The following ZIC4 variants were observed in gnomAD, a reference collection of about 807,000 sequenced individuals.
ZIC4 encodes the protein Zic family zinc finger 4, also known as zinc finger protein ZIC 4.
ZIC4 carries 15 observed loss-of-function variants against 28.8 expected under a neutral mutation model. That is an observed-to-expected ratio of 0.52 (90% CI 0.35 to 0.80). The LOEUF (loss-of-function observed/expected upper bound fraction) is 0.80, where lower values mean the gene tolerates loss of function less well. ZIC4 is among the 30% of genes least tolerant of loss of function. ZIC4 has a pLI of 0.01. For synonymous variants in ZIC4, 220 were observed against 198.1 expected (o/e 1.11, Z -0.93); for missense variants, 512 against 467.1 (o/e 1.10, Z -0.89).
rs760162398 is a variant in ZIC4, at chr3:147,390,948, G to A, written c.987C>T (p.Thr329=). 3 of 1,610,568 alleles carry A rather than the reference G, an allele frequency of 1.9e-6. No homozygotes were observed. The highest frequency in any genetic ancestry group is 2.2e-5 in the East Asian group (1 of 44,810). ...VASSAAVAAR[T]ADLSE is the part of the protein sequence containing the mutation. The stretch of plus-strand genomic sequence containing the variant: ...ACACGTACCATTCGCTCAAGTCGGC[G>A]GTACGCGCCGCCACCGCCGCCGAGG... Residue 329 remains threonine (T), a synonymous_variant, in exon 4 of 5, where the codon ACC becomes ACT. Coordinates refer to ENST00000383075, the MANE Select transcript of ZIC4 (RefSeq NM_032153.6).
intron 2 of ZIC4, 25 bp downstream of exon 2, chr3:147,402,703 T>A: frequency 6.4e-7 from 1 of 1,560,402 alleles, no homozygotes; most frequent in Non-Finnish European, 8.7e-7. Flanking sequence ...AGCAAACCAA[T>A]ATTCAAAGGA....
rs760348958 is a variant in ZIC4 at position 147,387,464 on chromosome 3, G to T, written c.*1395C>A. On this transcript the variant is annotated 3_prime_UTR_variant, in exon 5 of 5. Coordinates refer to ENST00000383075, the MANE Select transcript of ZIC4 (RefSeq NM_032153.6). ...TAACTCCCACTTCAAAGATTTCTCA[G>T]CTCAATAGAAAGCGGACCATCCTTT... The T allele has an allele frequency of 6.6e-6, 1 of 152,578 alleles. No individual in the cohort carries two copies. Among genetic ancestry groups the T allele is most frequent in the South Asian group, 2.1e-4 (1 of 4,830 alleles). 9.5% of individuals were successfully genotyped at this position (152,578 alleles called of 1,614,324 possible).
chr3:147,391,114 C>T lies in ZIC4; in HGVS notation c.821G>A (p.Cys274Tyr). The T allele has an allele frequency of 6.2e-7, 1 of 1,614,184 alleles. No homozygotes were observed. Among genetic ancestry groups the T allele is most frequent in the Non-Finnish European group, 8.5e-7 (1 of 1,180,024 alleles). ...ACGCAGCGAGCTGGGGTGCGTGTAG[C>T]ACTTGTCGCAGCCCCGCACCTTGCA... is the stretch of plus-strand genomic sequence containing the variant. ...YTCKVRGCDK[C>Y]YTHPSSLRKH... The change falls in exon 4 of 5, where the codon TGC becomes TAC. Residue 274 changes from cysteine to tyrosine, a missense_variant. Physicochemically the swap from Cys to Tyr is radical, Grantham distance 194 (BLOSUM62 -2). This residue lies in a region of ZIC4 where 144 missense variants were observed against 116.8 expected (regional missense o/e 1.23). Transcript: ENST00000383075.
chr3:147,391,042 T>TGTAGCCC lies in ZIC4; in HGVS notation c.892_893insGGGCTAC (p.Tyr298TrpfsTer49), dbSNP rs765482543. 3.2e-5 allele frequency: 51 copies of TGTAGCCC among 1,613,942 alleles called. No individual in the cohort carries two copies. Among genetic ancestry groups the TGTAGCCC allele is most frequent in the Middle Eastern group, 3.3e-4 (2 of 6,062 alleles). ...GAGGGCAGACGGTGTAGCCGAATCG[T>TGTAGCCC]AGCCAGAGCTGGGCGGCGGCGAGCG... On this transcript the variant is annotated frameshift_variant, in exon 4 of 5. Transcript: ENST00000383075. LOFTEE classifies it high-confidence loss of function.
chr3:147,389,776 T>C (rs2086872006), intron 4 of ZIC4, among the ~76,000 whole-genome samples: 3 of 152,148 alleles, frequency 2.0e-5, no homozygotes, highest in Non-Finnish European at 4.4e-5. Flanking sequence ...CTCTAGTTCC[T>C]CCTACACCTT....
At chr3:147,394,196 A>T (rs752015359) in intron 3 of ZIC4, among the ~76,000 whole-genome samples, 8 of 149,938 alleles carry the variant, frequency 5.3e-5, no homozygotes, top group Non-Finnish European at 7.4e-5. Flanking sequence ...GAAATGCCCG[A>T]GCAGGCCAGA....
At chr3:147,388,946 G>C (rs1344176626) in intron 4 of ZIC4, 87 bp from the exon 5 acceptor site, 2 of 751,702 alleles carry the variant, frequency 2.7e-6, no homozygotes, top group Admixed American at 3.8e-5. Context: ...GAGATAGAAA[G>C]CAAAATGGGG....
In ZIC4 at chr3:147,390,985, G is replaced by A. The variant is rs965441524; in HGVS notation, c.950C>T (p.Ser317Phe). The A allele has an allele frequency of 1.2e-6, 2 of 1,613,138 alleles. No homozygotes were observed. Among genetic ancestry groups the A allele is most frequent in the Admixed American group, 1.7e-5 (1 of 59,992 alleles). Residue 317 changes from serine to phenylalanine, a missense_variant, in exon 4 of 5, where the codon TCC becomes TTC. Ser to Phe is a radical substitution (Grantham distance 155, BLOSUM62 -2). Around this residue, in one of 3 missense-constraint regions of ZIC4, gnomAD observed 144 missense variants for 116.8 expected, o/e 1.23. Transcript: ENST00000383075. ...CACCGCCGCCGAGGAGGCCACCTGGGACTTGTGGCCGCAGTCCGACGAGGG... is the reference window on the plus strand; with the variant it reads ...CACCGCCGCCGAGGAGGCCACCTGGAACTTGTGGCCGCAGTCCGACGAGGG... ...VSPSSDCGHKSQVASSAAVAA... is the reference protein window; with the variant it reads ...VSPSSDCGHKFQVASSAAVAA...
intron 3 of ZIC4, chr3:147,393,820 G>C: frequency 2.2e-6 from 1 of 453,444 alleles, no homozygotes; most frequent in Non-Finnish European, 4.4e-6. Context: ...TGGCCAGGCC[G>C]AGCGCGGTTG....
At chr3:147,393,953 A>C (rs983104767) in intron 3 of ZIC4, 3 of 456,570 alleles carry the variant, frequency 6.6e-6, no homozygotes, top group Middle Eastern at 3.2e-4. Context: ...GTCAGGGAGA[A>C]TCTCAGCTCC....
chr3:147,404,140 C>T (rs2087225421), intron 1 of ZIC4: 2 of 1,532,020 alleles, frequency 1.3e-6, no homozygotes, highest in South Asian at 2.4e-5. Flanking sequence ...GGCAGGATGT[C>T]TGGCATGGAA....
intron 3 of ZIC4, chr3:147,393,493 C>G (rs2086971358): frequency 5.8e-6 from 1 of 171,832 alleles, no homozygotes; most frequent in Admixed American, 6.1e-5. Flanking sequence ...CCCTGCAGCC[C>G]GCTCGGAGCG....
intron 1 of ZIC4, among the ~76,000 whole-genome samples, chr3:147,403,153 C>T (rs976894898): frequency 5.3e-5 from 8 of 151,718 alleles, no homozygotes; most frequent in East Asian, 1.9e-4. Flanking sequence ...GAATTAATTG[C>T]GTAAGAAACC....
chr3:147,399,726 C>T (rs1383767442), intron 2 of ZIC4, among the ~76,000 whole-genome samples: 1 of 146,098 alleles, frequency 6.8e-6, no homozygotes, highest in East Asian at 2.0e-4. Context: ...AGTGCAATGG[C>T]GCCATCTTGG....
chr3:147,393,571 G>T (rs560827243), intron 3 of ZIC4: 3 of 268,278 alleles, frequency 1.1e-5, no homozygotes, highest in Middle Eastern at 1.4e-3. Context: ...GTCCTGAAAG[G>T]CCTCCTCTCC....
rs1177693346 is a variant in ZIC4, at chr3:147,402,805, C to T, written c.-8G>A. ...GGATGTCTTGTATCTCATTTTCTGA[C>T]TTTGAGCCTGTTTGGGAAGAAAAGA... is the stretch of plus-strand genomic sequence containing the variant. On this transcript the variant is annotated 5_prime_UTR_variant, in exon 2 of 5. Coordinates refer to ENST00000383075, the MANE Select transcript of ZIC4 (RefSeq NM_032153.6). The T allele has an allele frequency of 5.0e-6, 8 of 1,613,488 alleles. No homozygotes were observed. Among genetic ancestry groups the T allele is most frequent in the Non-Finnish European group, 6.8e-6 (8 of 1,179,812 alleles).
rs2087037326 is a variant in ZIC4 at position 147,396,143 on chromosome 3, G to T, written c.397C>A (p.Leu133Met). 6.2e-7 allele frequency: 1 copy of T among 1,614,028 alleles called. No homozygotes were observed. The highest frequency in any genetic ancestry group is 1.3e-5 in the African/African-American group (1 of 74,954). Residue 133 changes from leucine to methionine, a missense_variant, in exon 3 of 5, where the codon CTG becomes ATG. Around this residue, in one of 3 missense-constraint regions of ZIC4, gnomAD observed 310 missense variants for 256.5 expected, o/e 1.21. Coordinates refer to ENST00000383075, the MANE Select transcript of ZIC4 (RefSeq NM_032153.6). The surrounding 1 kb of genome is among the most constrained non-coding windows in gnomAD (Gnocchi z 4.2). ...PIKQELICKW[L>M]AADGTATPSL... ...GGGGTCGCGGTGCCGTCGGCCGCCA[G>T]CCACTTGCAGATGAGCTCCTGTTTG... is the stretch of plus-strand genomic sequence containing the variant.
At position 147,390,952 on chromosome 3, in the gene ZIC4, C is replaced by A. The variant is rs763674182; in HGVS notation, c.983G>T (p.Arg328Leu). Residue 328 changes from arginine to leucine, a missense_variant, in exon 4 of 5, where the codon CGT (arginine) becomes CTT (leucine). Coordinates refer to ENST00000383075, the MANE Select transcript of ZIC4 (RefSeq NM_032153.6). ...GTACCATTCGCTCAAGTCGGCGGTA[C>A]GCGCCGCCACCGCCGCCGAGGAGGC... ...QVASSAAVAA[R>L]TADLSE 6.2e-7 allele frequency: 1 copy of A among 1,610,710 alleles called. No individual in the cohort carries two copies. The highest frequency in any genetic ancestry group is 8.5e-7 in the Non-Finnish European group (1 of 1,178,702).
At chr3:147,404,365 C>A (rs2087230513) in intron 1 of ZIC4, 2 of 1,131,736 alleles carry the variant, frequency 1.8e-6, no homozygotes, top group Admixed American at 4.2e-5. Flanking sequence ...CTAGGGCAGG[C>A]AACAGGGACC....
Sources: allele counts gnomAD v4.1 joint callset (sites outside exome capture counted in the v4.1 genomes callset), GRCh38; gene constraint gnomAD v4.1.1; regional missense constraint gnomAD v4.1.1; non-coding constraint Gnocchi (gnomAD v3.1); transcripts MANE v1.5; gene names NCBI Gene and HGNC (gene_info 2026-07-23, HGNC 2026-07-21).